AUTS2: variants seen among roughly 807,000 people sequenced by gnomAD.
AUTS2 encodes the protein autism susceptibility gene 2 protein.
A neutral mutation model predicts 112.4 loss-of-function variants in AUTS2; 17 were observed. That is an observed-to-expected ratio of 0.15 (90% CI 0.10 to 0.23). The LOEUF is 0.23. Among genes scored for constraint, AUTS2 ranks in the 10% least tolerant of loss-of-function variants. The probability of loss-of-function intolerance (pLI) is 1.00; values close to 1 mark genes in which losing one functional copy is unlikely to be tolerated. For missense variants in AUTS2, 1,510 were observed against 1,701.6 expected, an observed-to-expected ratio of 0.89 and a Z score of 1.98; for synonymous variants, 751 against 702.7, an observed-to-expected ratio of 1.07 and a Z score of -1.09.
chr7:69,699,975 A>G (rs1797737635), intron 1 of AUTS2, among the ~76,000 whole-genome samples: 1 of 152,164 alleles, frequency 6.6e-6, no homozygotes. Context: ...GTGTGTGTTC[A>G]GTTGTAGGAT....
At chr7:70,401,249 C>T (rs1423271571) in intron 4 of AUTS2, among the ~76,000 whole-genome samples, 1 of 152,210 alleles carries the variant, frequency 6.6e-6, no homozygotes, top group Non-Finnish European at 1.5e-5. Context: ...TTTCTGTGCT[C>T]ATCCTCCACA....
At chr7:70,608,061 T>C (rs1425950063) in intron 5 of AUTS2, among the ~76,000 whole-genome samples, 1 of 152,172 alleles carries the variant, frequency 6.6e-6, no homozygotes, top group Non-Finnish European at 1.5e-5. Context: ...GACTGGACCT[T>C]TGCCAGCTCT....
chr7:70,762,836 G>A, intron 6 of AUTS2, 34 bp from the exon 7 acceptor site: 1 of 1,469,710 alleles, frequency 6.8e-7, no homozygotes, highest in Non-Finnish European at 9.5e-7. Context: ...GCATGTCATT[G>A]CCTGTGGTTT....
At chr7:70,075,312 C>G (rs1802974109) in intron 2 of AUTS2, among the ~76,000 whole-genome samples, 1 of 152,082 alleles carries the variant, frequency 6.6e-6, no homozygotes, top group African/African-American at 2.4e-5. Context: ...TTAGATTTTT[C>G]ATTTTAGACT....
chr7:69,616,983 C>G (rs1489742026), intron 1 of AUTS2, among the ~76,000 whole-genome samples: 3 of 151,932 alleles, frequency 2.0e-5, no homozygotes, highest in Non-Finnish European at 4.4e-5. Context: ...CAGGAAGTAC[C>G]ATAGTAAATT....
intron 4 of AUTS2, among the ~76,000 whole-genome samples, chr7:70,218,336 G>T (rs1211704588): frequency 2.0e-5 from 3 of 152,082 alleles, no homozygotes; most frequent in African/African-American, 7.2e-5. Flanking sequence ...AGAATGATTT[G>T]CCCAACCTTT....
At chr7:70,458,830 AT>A (rs1307824450) in intron 5 of AUTS2, among the ~76,000 whole-genome samples, 1 of 152,214 alleles carries the variant, frequency 6.6e-6, no homozygotes, top group Non-Finnish European at 1.5e-5. Flanking sequence ...CTTCTTGACA[AT>A]TGTGCTGTGC....
intron 5 of AUTS2, among the ~76,000 whole-genome samples, chr7:70,680,399 T>G (rs1808147743): frequency 6.6e-6 from 1 of 152,226 alleles, no homozygotes; most frequent in Non-Finnish European, 1.5e-5. Flanking sequence ...GCTTCTGACC[T>G]TTCTAATCCA....
chr7:70,178,642 A>T (rs1809132553), intron 4 of AUTS2, among the ~76,000 whole-genome samples: 1 of 152,156 alleles, frequency 6.6e-6, no homozygotes, highest in South Asian at 2.1e-4. Context: ...TCTACTAAAA[A>T]TACAAAAATT....
chr7:69,712,974 A>G (rs1290887903), intron 1 of AUTS2, among the ~76,000 whole-genome samples: 1 of 152,124 alleles, frequency 6.6e-6, no homozygotes, highest in Non-Finnish European at 1.5e-5. Flanking sequence ...TACTGACTAG[A>G]TGTTGAGCAT....
At chr7:70,623,137 A>G (rs963511078) in intron 5 of AUTS2, among the ~76,000 whole-genome samples, 6 of 152,224 alleles carry the variant, frequency 3.9e-5, no homozygotes, top group East Asian at 1.9e-4. Flanking sequence ...CAGTTATCCA[A>G]TACCAGCATG....
intron 5 of AUTS2, among the ~76,000 whole-genome samples, chr7:70,493,269 TAC>T (rs1407808919): frequency 2.6e-5 from 4 of 152,342 alleles, no homozygotes; most frequent in African/African-American, 9.6e-5. Context: ...CTTGGGGGAA[TAC>T]ATGGTTGTCT....
chr7:70,407,186 G>T (rs1404279849), intron 4 of AUTS2, among the ~76,000 whole-genome samples: 4 of 152,164 alleles, frequency 2.6e-5, no homozygotes, highest in Non-Finnish European at 5.9e-5. Flanking sequence ...TTGGCAGCAG[G>T]TTTAGCCAGA....
chr7:70,747,923 G>A (rs1288082408), intron 6 of AUTS2, among the ~76,000 whole-genome samples: 3 of 150,794 alleles, frequency 2.0e-5, no homozygotes, highest in African/African-American at 4.9e-5. Flanking sequence ...CTGGGTTCAC[G>A]CCATTGTCCT....
intron 5 of AUTS2, among the ~76,000 whole-genome samples, chr7:70,685,595 G>T (rs1808435314): frequency 6.6e-6 from 1 of 151,908 alleles, no homozygotes; most frequent in African/African-American, 2.4e-5. Context: ...TGGTAAACAT[G>T]GTCGGAGAAC....
chr7:69,948,157 C>T (rs1014143988), intron 2 of AUTS2, among the ~76,000 whole-genome samples: 9 of 152,160 alleles, frequency 5.9e-5, no homozygotes, highest in African/African-American at 2.2e-4. Context: ...AGCCCAGTTG[C>T]TAATCTTTAT....
intron 3 of AUTS2, among the ~76,000 whole-genome samples, chr7:70,132,164 TAAAAAAAAAAAAA>T (rs200482728): frequency 2.3e-4 from 24 of 102,566 alleles, no homozygotes; most frequent in African/African-American, 7.5e-4. Flanking sequence ...TCTTTTCCCT[TAAAAAAAAAAAAA>T]AAAAAAAAAA....
intron 1 of AUTS2, among the ~76,000 whole-genome samples, chr7:69,835,786 T>C (rs1175161522): frequency 6.6e-6 from 1 of 152,198 alleles, no homozygotes; most frequent in Non-Finnish European, 1.5e-5. Context: ...GACATTCGTT[T>C]CCTGGAATCA....
chr7:69,798,671 C>T (rs1241770779), intron 1 of AUTS2, among the ~76,000 whole-genome samples: 5 of 152,004 alleles, frequency 3.3e-5, no homozygotes, highest in Non-Finnish European at 5.9e-5. Context: ...ATTGGTATTA[C>T]GGAAATTAGT....
Sources: gnomAD v4.1 joint callset for allele counts (sites outside exome capture counted in the v4.1 genomes callset) on GRCh38, gnomAD v4.1.1 for gene constraint, MANE v1.5 for transcripts, NCBI Gene and HGNC (gene_info 2026-07-23, HGNC 2026-07-21) for gene names.